PDE10A: variants seen among roughly 807,000 people sequenced by gnomAD.
PDE10A encodes the protein cAMP and cAMP-inhibited cGMP 3',5'-cyclic phosphodiesterase 10A.
A neutral mutation model predicts 97.7 loss-of-function variants in PDE10A; 39 were observed. The ratio of observed to expected loss-of-function variants is 0.40; its 90% CI spans 0.31 to 0.52. PDE10A has a LOEUF of 0.52. PDE10A is among the 20% of genes least tolerant of loss of function. PDE10A has a pLI of 0.56. For missense variants in PDE10A, 731 were observed against 1,047.8 expected, an observed-to-expected ratio of 0.70 and a Z score of 4.17; for synonymous variants, 371 against 376.8, an observed-to-expected ratio of 0.98 and a Z score of 0.18.
At chr6:165,638,315 A>G (rs555467027) in intron 1 of PDE10A, among the ~76,000 whole-genome samples, 1 of 152,364 alleles carries the variant, frequency 6.6e-6, no homozygotes, top group African/African-American at 2.4e-5. Flanking sequence ...AGTAAGAGTC[A>G]AAACTAAACG....
chr6:165,839,681 G>A (rs1000319746), intron 1 of PDE10A, among the ~76,000 whole-genome samples: 9 of 109,040 alleles, frequency 8.3e-5, no homozygotes, highest in African/African-American at 1.0e-4. Context: ...CCTGATGTCC[G>A]TGTCCATCTC....
chr6:165,671,537 G>T lies in PDE10A; in HGVS notation c.-614-127969C>A, dbSNP rs1171140699. ...TTGGCTGCTGTGTATATCTCTCCATGACTGTGTTCAGCATGACTGCACTCA... is the reference window on the plus strand; with the variant it reads ...TTGGCTGCTGTGTATATCTCTCCATTACTGTGTTCAGCATGACTGCACTCA... On this transcript the variant is annotated intron_variant, in intron 1 of 19. Transcript: ENST00000366882. This position sits in a 1 kb window ranked among gnomAD's most constrained non-coding sequence, Gnocchi z 4.6. 1.3e-5 allele frequency among the ~76,000 whole-genome samples: 2 copies of T among 152,150 alleles called. No homozygotes were observed. The highest frequency in any genetic ancestry group is 2.9e-5 in the Non-Finnish European group (2 of 68,042).
At chr6:165,730,965 G>A (rs1297873048) in intron 1 of PDE10A, among the ~76,000 whole-genome samples, 1 of 152,086 alleles carries the variant, frequency 6.6e-6, no homozygotes, top group Non-Finnish European at 1.5e-5. Context: ...AGAATCGCTT[G>A]AACCAGGGAG....
At chr6:165,446,374 T>C (rs1415336233) in intron 5 of PDE10A, among the ~76,000 whole-genome samples, 4 of 152,192 alleles carry the variant, frequency 2.6e-5, no homozygotes, top group Admixed American at 1.3e-4. Context: ...GTAGTAATCA[T>C]GTAGATACAT....
chr6:165,535,118 T>A (rs1357763570), intron 2 of PDE10A, among the ~76,000 whole-genome samples: 1 of 151,880 alleles, frequency 6.6e-6, no homozygotes, highest in Non-Finnish European at 1.5e-5. Context: ...AATCAACATA[T>A]GATAATCTGT....
chr6:165,423,806 T>C (rs1331394308), intron 10 of PDE10A, among the ~76,000 whole-genome samples: 2 of 150,756 alleles, frequency 1.3e-5, no homozygotes, highest in Admixed American at 1.3e-4. Context: ...GCCGAGATCA[T>C]GCCACTGTAC....
chr6:165,672,644 C>A (rs1477634173), intron 1 of PDE10A, among the ~76,000 whole-genome samples: 1 of 152,106 alleles, frequency 6.6e-6, no homozygotes, highest in Non-Finnish European at 1.5e-5. Flanking sequence ...AAGGGGAAAC[C>A]CCTTTGCTTG....
chr6:165,807,346 CTT>C (rs917070847), intron 1 of PDE10A, among the ~76,000 whole-genome samples: 1 of 152,148 alleles, frequency 6.6e-6, no homozygotes, highest in Admixed American at 6.5e-5. Context: ...AAGGCAATCA[CTT>C]TTGTTTCCAT....
intron 1 of PDE10A, among the ~76,000 whole-genome samples, chr6:165,802,742 T>TC (rs1291236486): frequency 6.6e-6 from 1 of 152,176 alleles, no homozygotes; most frequent in Non-Finnish European, 1.5e-5. Flanking sequence ...CTCCTTACTT[T>TC]CAGTCAAAAG....
intron 3 of PDE10A, among the ~76,000 whole-genome samples, chr6:165,451,005 G>A (rs1791249051): frequency 6.6e-6 from 1 of 152,204 alleles, no homozygotes; most frequent in Non-Finnish European, 1.5e-5. Flanking sequence ...TCATACAAGA[G>A]CTTGCTGAGT....
At chr6:165,432,926 A>G in intron 7 of PDE10A, 48 bp downstream of exon 7, 1 of 1,424,338 alleles carries the variant, frequency 7.0e-7, no homozygotes, top group Non-Finnish European at 9.8e-7. Flanking sequence ...ACCTTCAATG[A>G]GCTAGGTACA....
rs1210896850 is a variant in PDE10A, at chr6:165,330,379, A to G, written c.*2646T>C. 1.3e-5 allele frequency: 2 copies of G among 152,172 alleles called. No individual in the cohort carries two copies. Among genetic ancestry groups the G allele is most frequent in the Non-Finnish European group, 2.9e-5 (2 of 68,016 alleles). 9.4% of individuals were successfully genotyped at this position (152,172 alleles called of 1,614,324 possible). ...TGACCCGAAAGTCTGTCTCCTAAAC[A>G]TCTGACAAAATACAAAAATACTCCT... On this transcript the variant is annotated 3_prime_UTR_variant, in exon 22 of 22. Coordinates refer to ENST00000539869, the MANE Select transcript of PDE10A (RefSeq NM_001385079.1).
chr6:165,716,880 T>A (rs1318113145), intron 1 of PDE10A, among the ~76,000 whole-genome samples: 1 of 152,216 alleles, frequency 6.6e-6, no homozygotes, highest in Non-Finnish European at 1.5e-5. Context: ...ATTGTAAGCA[T>A]TTTAGACTGT....
At chr6:165,632,200 C>CAAAAAAAAA (rs71552885) in intron 1 of PDE10A, among the ~76,000 whole-genome samples, 7 of 67,256 alleles carry the variant, frequency 1.0e-4, no homozygotes, top group Non-Finnish European at 1.6e-4. Flanking sequence ...GAGTCCATCT[C>CAAAAAAAAA]AAAAAAAAAA....
chr6:165,972,496 G>A (rs776641011), intron 1 of PDE10A, among the ~76,000 whole-genome samples: 5 of 152,084 alleles, frequency 3.3e-5, no homozygotes, highest in African/African-American at 4.8e-5. Flanking sequence ...CTTATTCCCC[G>A]AAGAATAACT....
At chr6:165,751,949 T>C (rs1190952543) in intron 1 of PDE10A, among the ~76,000 whole-genome samples, 2 of 151,782 alleles carry the variant, frequency 1.3e-5, no homozygotes, top group Admixed American at 6.6e-5. Flanking sequence ...ACCATCCTGG[T>C]TGACATGGTG....
chr6:165,537,971 C>G (rs564396933), intron 2 of PDE10A, among the ~76,000 whole-genome samples: 1 of 152,024 alleles, frequency 6.6e-6, no homozygotes, highest in African/African-American at 2.4e-5. Context: ...ACTAAACCTT[C>G]CAACACCGAA....
rs1317849108 is a variant in PDE10A, at chr6:165,935,737, C to T, written c.-615+51792G>A. On this transcript the variant is annotated intron_variant, in intron 1 of 19. Coordinates refer to the PDE10A transcript ENST00000366882. ...CTCTGCCCTTATGAATAGATTAATGCCACTATATCAGGGGTGTGTTAGTGA... is the reference window on the plus strand; with the variant it reads ...CTCTGCCCTTATGAATAGATTAATGTCACTATATCAGGGGTGTGTTAGTGA... 3.3e-5 allele frequency among the ~76,000 whole-genome samples: 5 copies of T among 152,262 alleles called. No homozygotes were observed. The East Asian group carries it at 9.7e-4, about 29-fold the overall frequency.
At chr6:165,380,273 A>AT (rs1289008775) in intron 17 of PDE10A, among the ~76,000 whole-genome samples, 2 of 152,102 alleles carry the variant, frequency 1.3e-5, no homozygotes, top group Non-Finnish European at 2.9e-5. Flanking sequence ...CTCTAAGTTG[A>AT]TTTTCAATTA....
Sources: allele counts gnomAD v4.1 joint callset (sites outside exome capture counted in the v4.1 genomes callset), GRCh38; gene constraint gnomAD v4.1.1; non-coding constraint Gnocchi (gnomAD v3.1); transcripts MANE v1.5; gene names NCBI Gene and HGNC (gene_info 2026-07-23, HGNC 2026-07-21).